The following FAM20B variants were observed in gnomAD, a reference collection of about 807,000 sequenced individuals.
The protein encoded by FAM20B is glycosaminoglycan xylosylkinase.
Under a neutral mutation model 43.8 loss-of-function variants are expected in FAM20B, and 23 were observed. The observed-to-expected ratio is 0.53, with a 90% CI of 0.38 to 0.74. The LOEUF (loss-of-function observed/expected upper bound fraction) is 0.74, where lower values mean the gene tolerates loss of function less well. Among genes scored for constraint, FAM20B ranks in the 30% least tolerant of loss-of-function variants. The pLI, the probability that FAM20B is intolerant of heterozygous loss-of-function variation, is 0.00. For synonymous variants in FAM20B, 178 were observed against 192.4 expected, an observed-to-expected ratio of 0.93 and a Z score of 0.62; for missense variants, 440 against 510.5, an observed-to-expected ratio of 0.86 and a Z score of 1.33.
intron 1 of FAM20B, among the ~76,000 whole-genome samples, chr1:179,034,888 T>A (rs1198942371): frequency 1.3e-5 from 2 of 152,222 alleles, no homozygotes; most frequent in African/African-American, 2.4e-5. Flanking sequence ...AGAACCTGAT[T>A]TGACCATTAA....
intron 1 of FAM20B, among the ~76,000 whole-genome samples, chr1:179,040,132 C>T (rs1483148263): frequency 6.9e-6 from 1 of 145,964 alleles, no homozygotes; most frequent in Non-Finnish European, 1.5e-5. Flanking sequence ...ATGTCCACCT[C>T]CTTCTACACA....
chr1:179,019,202 G>A, the FAM20B span, among the ~76,000 whole-genome samples: 2 of 152,184 alleles, frequency 1.3e-5, no homozygotes, highest in Non-Finnish European at 2.9e-5. Context: ...CCATGGCCCA[G>A]TCAAGTTGAC....
At position 179,034,058 on chromosome 1, in the gene FAM20B, G is replaced by A. The variant is rs529172641; in HGVS notation, c.-134+7960G>A. Among the ~76,000 whole-genome samples, 5 of 152,174 alleles carry A rather than the reference G, an allele frequency of 3.3e-5. No individual in the cohort carries two copies. In the East Asian group the frequency reaches 9.7e-4, roughly 29 times the overall value. On this transcript the variant is annotated intron_variant, in intron 1 of 7. Coordinates refer to ENST00000263733, the MANE Select transcript of FAM20B (RefSeq NM_014864.4). Reference sequence around the variant, plus strand: ...TTCCTGCTCAAATGGTATAGGCTGGGGTCACAACAGTGACTACATTCTGCC... The same window carrying A: ...TTCCTGCTCAAATGGTATAGGCTGGAGTCACAACAGTGACTACATTCTGCC...
At chr1:179,047,572 C>T (rs1181214091) in intron 2 of FAM20B, among the ~76,000 whole-genome samples, 1 of 152,250 alleles carries the variant, frequency 6.6e-6, no homozygotes, top group Admixed American at 6.5e-5. Context: ...TTCTCCAACT[C>T]AGCAAGGTTT....
intron 1 of FAM20B, among the ~76,000 whole-genome samples, chr1:179,037,224 A>G (rs1650275549): frequency 6.6e-6 from 1 of 152,218 alleles, no homozygotes; most frequent in Admixed American, 6.5e-5. Flanking sequence ...GTGGTCCAAA[A>G]GAAGGTGATG....
At chr1:179,066,685 A>T in intron 6 of FAM20B, 115 bp from the exon 7 acceptor site, 2 of 716,902 alleles carry the variant, frequency 2.8e-6, no homozygotes, top group African/African-American at 1.8e-5. Context: ...GAGCTGCTGG[A>T]GCGTGAAATT....
At chr1:179,028,953 G>T (rs1294150399) in intron 1 of FAM20B, among the ~76,000 whole-genome samples, 1 of 152,202 alleles carries the variant, frequency 6.6e-6, no homozygotes, top group Non-Finnish European at 1.5e-5. Flanking sequence ...ATATTCTGTA[G>T]AGGTGTGTTA....
chr1:179,024,727 T>G (rs2102474011), upstream of FAM20B, among the ~76,000 whole-genome samples: 1 of 152,288 alleles, frequency 6.6e-6, no homozygotes, highest in Non-Finnish European at 1.5e-5. Flanking sequence ...TTCTCTAGGA[T>G]CTCCTGATAG....
At chr1:179,049,497 T>C (rs891595295) in intron 2 of FAM20B, among the ~76,000 whole-genome samples, 1 of 152,194 alleles carries the variant, frequency 6.6e-6, no homozygotes, top group African/African-American at 2.4e-5. Context: ...TTCCCCCAAA[T>C]TTAAATTTCT....
intron 1 of FAM20B, among the ~76,000 whole-genome samples, chr1:179,027,829 C>T (rs529059775): frequency 6.6e-6 from 1 of 152,300 alleles, no homozygotes; most frequent in Admixed American, 6.5e-5. Flanking sequence ...AAAACACATA[C>T]ACTGCTTTTC....
intron 1 of FAM20B, among the ~76,000 whole-genome samples, chr1:179,026,776 C>G (rs1649807515): frequency 6.6e-6 from 1 of 152,204 alleles, no homozygotes; most frequent in African/African-American, 2.4e-5. Context: ...AAGAGCGGAC[C>G]GATACGTTTC....
intron 1 of FAM20B, among the ~76,000 whole-genome samples, chr1:179,027,915 G>A (rs1374518431): frequency 6.6e-6 from 1 of 151,944 alleles, no homozygotes; most frequent in Non-Finnish European, 1.5e-5. Flanking sequence ...TTTATATCAT[G>A]GAAGTATTTT....
intron 4 of FAM20B, 99 bp from the exon 5 acceptor site, chr1:179,063,828 A>G (rs1221586310): frequency 2.6e-6 from 2 of 772,026 alleles, no homozygotes; most frequent in East Asian, 2.6e-5. Context: ...TGTTTTCACC[A>G]TGCTTATTTA....
intron 4 of FAM20B, among the ~76,000 whole-genome samples, 167 bp from the exon 5 acceptor site, chr1:179,063,760 C>T (rs1651572098): frequency 6.6e-6 from 1 of 152,096 alleles, no homozygotes; most frequent in South Asian, 2.1e-4. Context: ...ACACCGTGTG[C>T]TTTTTTATTA....
intron 2 of FAM20B, among the ~76,000 whole-genome samples, chr1:179,044,831 T>C (rs1650697829): frequency 6.6e-6 from 1 of 152,268 alleles, no homozygotes; most frequent in Non-Finnish European, 1.5e-5. Context: ...GCATAATTGC[T>C]GGACCACATG....
Position 179,075,554 on chromosome 1 carries a change from C to G in FAM20B, c.*3410C>G, listed in dbSNP as rs1652096366. The G allele has an allele frequency of 6.6e-6, 1 of 152,542 alleles. No individual in the cohort carries two copies. The highest frequency in any genetic ancestry group is 2.4e-5 in the African/African-American group (1 of 41,410). 9.4% of individuals were successfully genotyped at this position (152,542 alleles called of 1,614,324 possible). Reference sequence around the variant, plus strand: ...TCTGTGTAAAACAAATTCATAGGATCTGATTTGCTCAGAGTATTATTCAAG... The same window carrying G: ...TCTGTGTAAAACAAATTCATAGGATGTGATTTGCTCAGAGTATTATTCAAG... On this transcript the variant is annotated 3_prime_UTR_variant, in exon 8 of 8. Coordinates refer to ENST00000263733, the MANE Select transcript of FAM20B (RefSeq NM_014864.4).
At chr1:179,064,135 T>G in intron 5 of FAM20B, 37 bp downstream of exon 5, 1 of 1,562,628 alleles carries the variant, frequency 6.4e-7, no homozygotes, top group Non-Finnish European at 8.7e-7. Flanking sequence ...AATTCTCCCC[T>G]GTGCCTAGCC....
intron 1 of FAM20B, among the ~76,000 whole-genome samples, chr1:179,030,565 G>T (rs1456239443): frequency 1.3e-5 from 2 of 152,210 alleles, no homozygotes; most frequent in African/African-American, 4.8e-5. Flanking sequence ...ACTTTAAATT[G>T]AGTGTATATA....
At position 179,068,726 on chromosome 1, in the gene FAM20B, G is replaced by A. The variant is rs535330655; in HGVS notation, c.998+1867G>A. 7.9e-5 allele frequency among the ~76,000 whole-genome samples: 12 copies of A among 152,220 alleles called. 2 individuals are homozygous for A. In the South Asian group the frequency reaches 1.0e-3, roughly 13 times the overall value. On this transcript the variant is annotated intron_variant, in intron 7 of 7. Coordinates refer to ENST00000263733, the MANE Select transcript of FAM20B (RefSeq NM_014864.4). ...TGGCATTACAGGCGTGAGCCACTGCGCCCGACCCAATATAAAGAATTATTA... is the reference window on the plus strand; with the variant it reads ...TGGCATTACAGGCGTGAGCCACTGCACCCGACCCAATATAAAGAATTATTA...
Sources: allele counts gnomAD v4.1 joint callset (sites outside exome capture counted in the v4.1 genomes callset), GRCh38; gene constraint gnomAD v4.1.1; transcripts MANE v1.5; gene names NCBI Gene and HGNC (gene_info 2026-07-23, HGNC 2026-07-21).